Variants in LRBA observed in about 807,000 individuals in gnomAD.
LRBA encodes lipopolysaccharide-responsive and beige-like anchor protein.
A neutral mutation model predicts 330.0 loss-of-function variants in LRBA; 176 were observed. That is an observed-to-expected ratio of 0.53 (90% CI 0.47 to 0.60). The LOEUF (loss-of-function observed/expected upper bound fraction) is 0.60, where lower values mean the gene tolerates loss of function less well. Ranked by LOEUF, LRBA falls within the 20% of genes least tolerant of loss-of-function variation. The probability of loss-of-function intolerance (pLI) is 0.00; values close to 1 mark genes in which losing one functional copy is unlikely to be tolerated. For missense variants in LRBA, 3,259 were observed against 3,444.8 expected (o/e 0.95, Z 1.35); for synonymous variants, 1,230 against 1,193.0 (o/e 1.03, Z -0.64).
At chr4:150,839,875 T>G (rs1471649391) in intron 28 of LRBA, among the ~76,000 whole-genome samples, 2 of 151,482 alleles carry the variant, frequency 1.3e-5, no homozygotes, top group East Asian at 3.9e-4. Flanking sequence ...ACCCTAGAAC[T>G]TAAAGTATTA....
At position 150,928,996 on chromosome 4, in the gene LRBA, C is replaced by T; in HGVS notation, c.286G>A (p.Val96Met). Residue 96 changes from valine to methionine, a missense_variant, in exon 3 of 57, where the codon GTG (valine) becomes ATG (methionine). Val to Met is a conservative substitution (Grantham distance 21). Coordinates refer to ENST00000651943, the MANE Select transcript of LRBA (RefSeq NM_001364905.1). ...IQEGESINCM[V>M]DLLEKCDITC... ...ATGTCACATTTTTCCAGTAGGTCCA[C>T]CATGCAGTTAATACTCTCACCTTCT... The T allele has an allele frequency of 6.2e-7, 1 of 1,613,728 alleles. No individual in the cohort carries two copies. Among genetic ancestry groups the T allele is most frequent in the Non-Finnish European group, 8.5e-7 (1 of 1,179,942 alleles).
chr4:150,483,280 T>C (rs576192594), intron 42 of LRBA, among the ~76,000 whole-genome samples: 1 of 152,174 alleles, frequency 6.6e-6, no homozygotes, highest in African/African-American at 2.4e-5. Flanking sequence ...GACATCTTTG[T>C]CAAAAATCAA....
chr4:150,777,081 G>GT (rs1553959762), intron 34 of LRBA, among the ~76,000 whole-genome samples: 4 of 151,200 alleles, frequency 2.6e-5, no homozygotes, highest in African/African-American at 9.7e-5. Context: ...TGTTGTTGTT[G>GT]TTGTTGTTGT....
intron 40 of LRBA, among the ~76,000 whole-genome samples, chr4:150,523,298 C>T (rs1166462026): frequency 6.6e-6 from 1 of 152,156 alleles, no homozygotes; most frequent in Non-Finnish European, 1.5e-5. Flanking sequence ...TGGAGGTGAT[C>T]AAGTCATGAG....
At chr4:150,599,487 T>C (rs1581781758) in intron 37 of LRBA, among the ~76,000 whole-genome samples, 1 of 152,186 alleles carries the variant, frequency 6.6e-6, no homozygotes, top group East Asian at 1.9e-4. Context: ...CCTTTCTCTG[T>C]AGCTGCATTT....
At chr4:150,844,889 C>T in intron 26 of LRBA, 110 bp from the exon 27 acceptor site, 1 of 888,238 alleles carries the variant, frequency 1.1e-6, no homozygotes, top group Non-Finnish European at 1.7e-6. Flanking sequence ...TTATTCAAAA[C>T]AGACGACATT....
intron 40 of LRBA, among the ~76,000 whole-genome samples, chr4:150,509,776 A>C (rs1300777969): frequency 2.6e-5 from 4 of 152,206 alleles, no homozygotes; most frequent in African/African-American, 9.6e-5. Context: ...TTAGACATTA[A>C]AAGGATAAGG....
intron 2 of LRBA, among the ~76,000 whole-genome samples, chr4:150,989,393 T>C (rs1741816873): frequency 1.3e-5 from 2 of 151,314 alleles, no homozygotes; most frequent in African/African-American, 2.4e-5. Flanking sequence ...GGCAGGCAGA[T>C]CACGAGGTCA....
chr4:150,308,187 T>C (rs970597501), intron 52 of LRBA, among the ~76,000 whole-genome samples: 3 of 152,238 alleles, frequency 2.0e-5, no homozygotes, highest in Non-Finnish European at 4.4e-5. Context: ...AGCTGAAATA[T>C]CTACTGTCAT....
intron 14 of LRBA, among the ~76,000 whole-genome samples, chr4:150,899,412 T>G (rs542674917): frequency 1.3e-5 from 2 of 152,306 alleles, no homozygotes; most frequent in East Asian, 3.9e-4. Context: ...TATCAAGTTG[T>G]ATCTGGAACT....
chr4:150,896,400 C>T lies in LRBA; in HGVS notation c.2061G>A (p.Met687Ile). 1 of 1,504,542 alleles carries T rather than the reference C, an allele frequency of 6.6e-7. No homozygotes were observed. Among genetic ancestry groups the T allele is most frequent in the South Asian group, 1.2e-5 (1 of 84,164 alleles). The allele number at this position is 1,504,542 out of a possible 1,614,324, so 93.2% of individuals were successfully genotyped here. A position where few individuals can be genotyped will look rare whatever the true frequency, so the allele number is the denominator to read the frequency against. The change falls in exon 16 of 57, where the codon ATG (methionine) becomes ATA (isoleucine). Residue 687 changes from methionine to isoleucine, a missense_variant. Physicochemically the swap from Met to Ile is conservative, Grantham distance 10. Transcript: ENST00000651943. ...TATAAAATTCATATATTACCTCATG[C>T]ATAGTCAGTAGGTAATTAAGAATGG... Reference protein sequence around the residue: ...LQAILNYLLTMHEDDNLMDVL... With the variant: ...LQAILNYLLTIHEDDNLMDVL...
At chr4:150,795,779 C>A (rs1740694169) in intron 34 of LRBA, among the ~76,000 whole-genome samples, 1 of 151,868 alleles carries the variant, frequency 6.6e-6, no homozygotes, top group Non-Finnish European at 1.5e-5. Context: ...TTATTGTCAG[C>A]TAACCAAATG....
intron 40 of LRBA, among the ~76,000 whole-genome samples, chr4:150,510,724 G>A (rs1761730265): frequency 1.3e-5 from 2 of 152,130 alleles, no homozygotes; most frequent in African/African-American, 2.4e-5. Context: ...GCCAAAGCAC[G>A]CTGGGGTGTG....
intron 38 of LRBA, among the ~76,000 whole-genome samples, chr4:150,595,778 A>G (rs895300460): frequency 1.3e-5 from 2 of 151,874 alleles, no homozygotes; most frequent in African/African-American, 4.8e-5. Flanking sequence ...TTGTTTCCTC[A>G]GTTTCCTTAT....
At chr4:150,687,853 A>G (rs1196167059) in intron 36 of LRBA, among the ~76,000 whole-genome samples, 1 of 152,204 alleles carries the variant, frequency 6.6e-6, no homozygotes, top group Non-Finnish European at 1.5e-5. Flanking sequence ...GGAAGAATCA[A>G]TATCATGAAA....
At chr4:150,616,220 C>T (rs1775759342) in intron 37 of LRBA, among the ~76,000 whole-genome samples, 1 of 152,088 alleles carries the variant, frequency 6.6e-6, no homozygotes, top group African/African-American at 2.4e-5. Context: ...CTAGTGTTTA[C>T]ATAATACAGG....
Position 150,534,277 on chromosome 4 carries a change from T to C in LRBA, c.6331-43242A>G, listed in dbSNP as rs995934233. Among the ~76,000 whole-genome samples, 5 of 150,302 alleles carry C rather than the reference T, an allele frequency of 3.3e-5. No individual in the cohort carries two copies. The South Asian group carries it at 1.0e-3, about 32-fold the overall frequency. Reference sequence around the variant, plus strand: ...ATACATTATTGTTCACATTTAAGACTTTTTAGTTGTATACATATGTAACTA... The same window carrying C: ...ATACATTATTGTTCACATTTAAGACCTTTTAGTTGTATACATATGTAACTA... On this transcript the variant is annotated intron_variant, in intron 40 of 56. Transcript: ENST00000651943.
At chr4:151,007,834 G>T (rs1266187057) in intron 2 of LRBA, among the ~76,000 whole-genome samples, 1 of 144,556 alleles carries the variant, frequency 6.9e-6, no homozygotes, top group African/African-American at 2.6e-5. Flanking sequence ...TCCAGCTTGG[G>T]CCACAGAGCA....
At chr4:150,809,894 C>CGATAT (rs1408543659) in intron 31 of LRBA, among the ~76,000 whole-genome samples, 1 of 149,968 alleles carries the variant, frequency 6.7e-6, no homozygotes, top group Non-Finnish European at 1.5e-5. Flanking sequence ...CGATACGATA[C>CGATAT]GATACGATAC....
Sources: allele counts gnomAD v4.1 joint callset (sites outside exome capture counted in the v4.1 genomes callset), GRCh38; gene constraint gnomAD v4.1.1; transcripts MANE v1.5; gene names NCBI Gene and HGNC (gene_info 2026-07-23, HGNC 2026-07-21).